The following TTF2 variants were observed in gnomAD, a reference collection of about 807,000 sequenced individuals.
TTF2 encodes transcription termination factor 2, also known as RNA polymerase II termination factor.
TTF2 carries 108 observed loss-of-function variants against 142.4 expected under a neutral mutation model. That is an observed-to-expected ratio of 0.76 (90% CI 0.65 to 0.89). The LOEUF is 0.89. Among genes scored for constraint, TTF2 ranks in the 40% least tolerant of loss-of-function variants. The probability of loss-of-function intolerance (pLI) is 0.00; values close to 1 mark genes in which losing one functional copy is unlikely to be tolerated. For synonymous variants in TTF2, 483 were observed against 506.2 expected, an observed-to-expected ratio of 0.95 and a Z score of 0.61; for missense variants, 1,327 against 1,379.8, an observed-to-expected ratio of 0.96 and a Z score of 0.61.
At chr1:117,069,232 T>C (rs1038774178) in intron 3 of TTF2, among the ~76,000 whole-genome samples, 1 of 152,226 alleles carries the variant, frequency 6.6e-6, no homozygotes, top group African/African-American at 2.4e-5. Flanking sequence ...TAAGGAGCCT[T>C]TGACACAGCT....
chr1:117,096,792 A>G (rs1338156693), intron 20 of TTF2, among the ~76,000 whole-genome samples: 2 of 152,264 alleles, frequency 1.3e-5, no homozygotes, highest in Admixed American at 6.5e-5. Flanking sequence ...CAAATATTCT[A>G]AAAAGAATCA....
chr1:117,076,332 C>T lies in TTF2; in HGVS notation c.1390+38C>T, dbSNP rs76488747. 1,239 of 1,530,920 alleles carry T rather than the reference C, an allele frequency of 8.1e-4. 7 individuals are homozygous for T. The African/African-American group carries it at 0.012, about 15-fold the overall frequency. 94.8% of individuals were successfully genotyped at this position (1,530,920 alleles called of 1,614,324 possible). ...ATGCCTCAGAACTCCGGGTTTGCAT[C>T]GACTTTACAAGAGACATTCGGGAAG... is the stretch of plus-strand genomic sequence containing the variant. On this transcript the variant is annotated intron_variant, in intron 6 of 22. Coordinates refer to ENST00000369466, the MANE Select transcript of TTF2 (RefSeq NM_003594.4). This position sits in a 1 kb window ranked among gnomAD's most constrained non-coding sequence, Gnocchi z 4.6.
intron 13 of TTF2, among the ~76,000 whole-genome samples, chr1:117,089,263 TATA>T (rs982159738): frequency 1.0e-4 from 5 of 49,174 alleles, no homozygotes; most frequent in Non-Finnish European, 2.8e-4. Flanking sequence ...ATATATGCTA[TATA>T]TATATATATA....
rs749903672 is a variant in TTF2, at chr1:117,075,658, T to C, written c.1074T>C (p.Asp358=). 2 of 1,614,142 alleles carry C rather than the reference T, an allele frequency of 1.2e-6. No homozygotes were observed. Among genetic ancestry groups the C allele is most frequent in the South Asian group, 1.1e-5 (1 of 91,076 alleles). Residue 358 remains aspartate, a synonymous_variant, in exon 5 of 23, where the codon GAT becomes GAC. Transcript: ENST00000369466. This position sits in a 1 kb window ranked among gnomAD's most constrained non-coding sequence, Gnocchi z 4.5. ...GCAGTGACGACGAGGAGGAAGATGA[T>C]GTTGTTTTTGTTTCCTCTAAGCCTG... ...ATSSDDEEED[D]VVFVSSKPGS... is the part of the protein sequence containing the mutation.
Position 117,090,242 on chromosome 1 carries a change from C to A in TTF2, c.2496+34C>A. The A allele has an allele frequency of 6.2e-7, 1 of 1,607,424 alleles. No individual in the cohort carries two copies. ...GTTTGTACCTGTCCCTGGGGGAGGC[C>A]AGGGAAGGAACATGACTGTGTCCTT... On this transcript the variant is annotated intron_variant, in intron 14 of 22. Coordinates refer to ENST00000369466, the MANE Select transcript of TTF2 (RefSeq NM_003594.4). The surrounding 1 kb of genome is among the most constrained non-coding windows in gnomAD (Gnocchi z 4.8).
Position 117,075,253 on chromosome 1 carries a change from G to A in TTF2, c.669G>A (p.Gln223=). Reference sequence around the variant, plus strand: ...ACTTTTCTGAAATTAAATCTCAACAGTGCCAAGGTAATGAGCTTACAAGAC... The same window carrying A: ...ACTTTTCTGAAATTAAATCTCAACAATGCCAAGGTAATGAGCTTACAAGAC... ...KRDFSEIKSQ[Q]CQGNELTRPS... The change falls in exon 5 of 23, where the codon CAG becomes CAA. Residue 223 remains glutamine, a synonymous_variant. Transcript: ENST00000369466. This position sits in a 1 kb window ranked among gnomAD's most constrained non-coding sequence, Gnocchi z 4.5. The A allele has an allele frequency of 6.2e-7, 1 of 1,614,224 alleles. No individual in the cohort carries two copies. Among genetic ancestry groups the A allele is most frequent in the Non-Finnish European group, 8.5e-7 (1 of 1,180,046 alleles).
At chr1:117,091,551 T>C in intron 16 of TTF2, 141 bp downstream of exon 16, 1 of 929,140 alleles carries the variant, frequency 1.1e-6, no homozygotes, top group Non-Finnish European at 1.6e-6. Context: ...GAGTAAAATC[T>C]ACTGATTGCA....
rs778743445 is a variant in TTF2 at position 117,090,093 on chromosome 1, G to A, written c.2381G>A (p.Trp794Ter). 4 of 1,614,068 alleles carry A rather than the reference G, an allele frequency of 2.5e-6. No individual in the cohort carries two copies. The Admixed American group carries it at 6.7e-5, about 27-fold the overall frequency. ...RCSPFDEFNL[W>*]RSQVDNGSKK... Reference sequence around the variant, plus strand: ...TCTCCATTTGATGAGTTCAATCTGTGGAGGAGTCAGGTTGACAATGGCTCA... The same window carrying A: ...TCTCCATTTGATGAGTTCAATCTGTAGAGGAGTCAGGTTGACAATGGCTCA... The change falls in exon 14 of 23, where the codon TGG becomes TAG. Residue 794 changes from tryptophan to a stop codon, truncating the protein, a stop_gained. Coordinates refer to ENST00000369466, the MANE Select transcript of TTF2 (RefSeq NM_003594.4). LOFTEE classifies it high-confidence loss of function. This position sits in a 1 kb window ranked among gnomAD's most constrained non-coding sequence, Gnocchi z 4.8.
intron 10 of TTF2, 126 bp downstream of exon 10, chr1:117,082,073 T>G: frequency 6.9e-6 from 9 of 1,307,214 alleles, no homozygotes; most frequent in African/African-American, 1.4e-5. Context: ...AAACCAGTAT[T>G]AGATTACTCA....
Position 117,076,503 on chromosome 1 carries a change from C to T in TTF2, c.1391-138C>T. 3 of 1,095,224 alleles carry T rather than the reference C, an allele frequency of 2.7e-6. No homozygotes were observed. The highest frequency in any genetic ancestry group is 3.9e-6 in the Non-Finnish European group (3 of 774,764). The allele number at this position is 1,095,224 out of a possible 1,614,324, so 67.8% of individuals were successfully genotyped here. The stretch of plus-strand genomic sequence containing the variant: ...ACTTTCTTCCCCATTGTTTAAGCAA[C>T]TGTTAAAATGCTACCTTCTCTAGGA... On this transcript the variant is annotated intron_variant, in intron 6 of 22. Transcript: ENST00000369466. This position sits in a 1 kb window ranked among gnomAD's most constrained non-coding sequence, Gnocchi z 4.6.
At chr1:117,066,798 G>A (rs1243386051) in intron 3 of TTF2, among the ~76,000 whole-genome samples, 1 of 150,100 alleles carries the variant, frequency 6.7e-6, no homozygotes, top group Non-Finnish European at 1.5e-5. Flanking sequence ...TGCCTCCCAG[G>A]TTCAGGTGAT....
At position 117,105,991 on chromosome 1, in the gene TTF2, C is replaced by G. The variant is rs1649909137; in HGVS notation, c.*4467C>G. The G allele has an allele frequency of 6.6e-6, 1 of 152,104 alleles. No individual in the cohort carries two copies. Among genetic ancestry groups the G allele is most frequent in the South Asian group, 2.1e-4 (1 of 4,824 alleles). 9.4% of individuals were successfully genotyped at this position (152,104 alleles called of 1,614,324 possible). ...TGGAGACACCAGTGTTCAGTGTGGCCTCTGGTTGTCTGAAATTTTGCTGTC... is the reference window on the plus strand; with the variant it reads ...TGGAGACACCAGTGTTCAGTGTGGCGTCTGGTTGTCTGAAATTTTGCTGTC... On this transcript the variant is annotated 3_prime_UTR_variant, in exon 23 of 23. Coordinates refer to ENST00000369466, the MANE Select transcript of TTF2 (RefSeq NM_003594.4). The surrounding 1 kb of genome is among the most constrained non-coding windows in gnomAD (Gnocchi z 4.7).
At chr1:117,072,448 C>CCTCT (rs1434364606) in intron 3 of TTF2, among the ~76,000 whole-genome samples, 5 of 106,990 alleles carry the variant, frequency 4.7e-5, no homozygotes, top group African/African-American at 2.0e-4. Flanking sequence ...TTTTTTGAGA[C>CCTCT]AGAGTCTCAC....
intron 3 of TTF2, among the ~76,000 whole-genome samples, chr1:117,064,256 TC>T (rs928109766): frequency 2.0e-5 from 3 of 152,006 alleles, no homozygotes; most frequent in Admixed American, 2.0e-4. Flanking sequence ...AGTGGGCAGA[TC>T]ACTTGAGATT....
At chr1:117,091,267 C>A in intron 15 of TTF2, 61 bp from the exon 16 acceptor site, 3 of 1,416,126 alleles carry the variant, frequency 2.1e-6, no homozygotes, top group Non-Finnish European at 2.9e-6. Flanking sequence ...ACTGCAGGCA[C>A]AGTTAAGCAG....
At chr1:117,089,331 CAT>C (rs1368446678) in intron 13 of TTF2, among the ~76,000 whole-genome samples, 2 of 149,432 alleles carry the variant, frequency 1.3e-5, no homozygotes, top group African/African-American at 4.9e-5. Context: ...TGCTTTAAAA[CAT>C]ATGGTCTAGG....
rs1649594050 is a variant in TTF2, at chr1:117,101,651, T to G, written c.*127T>G. ...CAATTTCACCGTCAAGCCTTTCACCTTCCTCAAAATGAGGCATAATCTTAT... is the reference window on the plus strand; with the variant it reads ...CAATTTCACCGTCAAGCCTTTCACCGTCCTCAAAATGAGGCATAATCTTAT... On this transcript the variant is annotated 3_prime_UTR_variant, in exon 23 of 23. Transcript: ENST00000369466. This position sits in a 1 kb window ranked among gnomAD's most constrained non-coding sequence, Gnocchi z 5.9. The G allele has an allele frequency of 9.3e-6, 10 of 1,077,938 alleles. No individual in the cohort carries two copies. Among genetic ancestry groups the G allele is most frequent in the Non-Finnish European group, 1.2e-5 (10 of 803,414 alleles). The allele number at this position is 1,077,938 out of a possible 1,614,324, so 66.8% of individuals were successfully genotyped here. A position where few individuals can be genotyped will look rare whatever the true frequency, so the allele number is the denominator to read the frequency against.
At chr1:117,074,471 C>T (rs533926231) in intron 4 of TTF2, among the ~76,000 whole-genome samples, 4 of 151,992 alleles carry the variant, frequency 2.6e-5, no homozygotes, top group Admixed American at 1.3e-4. Flanking sequence ...GGGTTTGGCA[C>T]GTCATCTTTT....
At chr1:117,060,582 C>G in intron 2 of TTF2, 25 bp downstream of exon 2, 1 of 1,571,370 alleles carries the variant, frequency 6.4e-7, no homozygotes, top group Non-Finnish European at 8.6e-7. Context: ...GGGCCCCACT[C>G]CCTGTGGCTG....
Sources: gnomAD v4.1 joint callset for allele counts (sites outside exome capture counted in the v4.1 genomes callset) on GRCh38, gnomAD v4.1.1 for gene constraint, Gnocchi (gnomAD v3.1) non-coding constraint, MANE v1.5 for transcripts, NCBI Gene and HGNC (gene_info 2026-07-23, HGNC 2026-07-21) for gene names.